LNX1: variants seen among roughly 807,000 people sequenced by gnomAD.
LNX1 encodes the protein E3 ubiquitin-protein ligase LNX.
In LNX1, 54 loss-of-function variants were observed where a neutral mutation model predicts 68.4. The observed-to-expected ratio is 0.79, with a 90% CI of 0.63 to 0.99. The LOEUF (loss-of-function observed/expected upper bound fraction) is 0.99, where lower values mean the gene tolerates loss of function less well. LNX1 is among the 50% of genes least tolerant of loss of function. The probability of loss-of-function intolerance (pLI) is 0.00; values close to 1 mark genes in which losing one functional copy is unlikely to be tolerated. For missense variants in LNX1, 906 were observed against 926.4 expected, an observed-to-expected ratio of 0.98 and a Z score of 0.29; for synonymous variants, 336 against 350.0, an observed-to-expected ratio of 0.96 and a Z score of 0.45.
intron 2 of LNX1, among the ~76,000 whole-genome samples, chr4:53,552,510 G>A (rs1322224498): frequency 1.3e-5 from 2 of 152,148 alleles, no homozygotes; most frequent in Non-Finnish European, 2.9e-5. Context: ...CAAATTCTAA[G>A]TTTTTTTCTT....
chr4:53,625,820 C>A (rs1734049170), intron 1 of LNX1, among the ~76,000 whole-genome samples: 1 of 148,580 alleles, frequency 6.7e-6, no homozygotes. Context: ...ATGTTAGTTA[C>A]CATATGACCC....
intron 2 of LNX1, among the ~76,000 whole-genome samples, chr4:53,531,696 G>A (rs917756014): frequency 5.3e-5 from 8 of 152,192 alleles, no homozygotes; most frequent in African/African-American, 1.9e-4. Context: ...TTAAACGTGA[G>A]ACTGAAATGC....
chr4:53,602,283 G>GA (rs1341710177), intron 2 of LNX1, among the ~76,000 whole-genome samples: 10 of 152,164 alleles, frequency 6.6e-5, no homozygotes, highest in African/African-American at 2.4e-4. Flanking sequence ...CTTGATTAGG[G>GA]AAAATACCTG....
intron 1 of LNX1, among the ~76,000 whole-genome samples, chr4:53,636,086 T>C (rs1359563087): frequency 6.6e-6 from 1 of 151,072 alleles, no homozygotes; most frequent in East Asian, 2.0e-4. Flanking sequence ...ACTTTATTGG[T>C]CGGCACTCCA....
intron 2 of LNX1, among the ~76,000 whole-genome samples, chr4:53,600,651 C>T (rs910310397): frequency 1.3e-5 from 2 of 152,104 alleles, no homozygotes; most frequent in African/African-American, 2.4e-5. Flanking sequence ...TCTCAAATCA[C>T]GAGCATGTGA....
chr4:53,501,347 G>A (rs1227318123), intron 4 of LNX1, among the ~76,000 whole-genome samples: 2 of 144,202 alleles, frequency 1.4e-5, no homozygotes, highest in African/African-American at 5.2e-5. Flanking sequence ...CTGGAGTATA[G>A]TGGTACAATC....
intron 2 of LNX1, among the ~76,000 whole-genome samples, chr4:53,515,531 T>A (rs1459081343): frequency 6.8e-6 from 1 of 146,894 alleles, no homozygotes. Context: ...AAAAAAAAAA[T>A]GACAAGAAGA....
chr4:53,507,863 G>T, intron 3 of LNX1, 123 bp downstream of exon 3: 1 of 1,317,484 alleles, frequency 7.6e-7, no homozygotes, highest in Non-Finnish European at 1.0e-6. Context: ...TTGGGTTCCT[G>T]CCAAAACTAC....
chr4:53,553,325 G>T (rs565999487), intron 2 of LNX1, among the ~76,000 whole-genome samples: 6 of 152,194 alleles, frequency 3.9e-5, no homozygotes, highest in African/African-American at 1.4e-4. Flanking sequence ...ATGAAAATGG[G>T]GTGGCCTCAT....
Position 53,573,926 on chromosome 4 carries a change from T to C in LNX1, c.77A>G (p.Asn26Ser). 1 of 1,613,548 alleles carries C rather than the reference T, an allele frequency of 6.2e-7. No homozygotes were observed. The highest frequency in any genetic ancestry group is 8.5e-7 in the Non-Finnish European group (1 of 1,179,782). Residue 26 changes from asparagine to serine, a missense_variant, in exon 2 of 11, where the codon AAC (asparagine) becomes AGC (serine). By Grantham distance (46) the Asn-to-Ser change is conservative (BLOSUM62 1). Transcript: ENST00000263925. The part of the protein sequence containing the change: ...VCGQAHSLEE[N>S]HFYSYPEEVD... ...TTCCTCTGGATAGCTGTAGAAGTGG[T>C]TTTCCTCCAAGGAGTGGGCTTGGCC...
At chr4:53,562,727 T>C (rs1418334552) in intron 2 of LNX1, among the ~76,000 whole-genome samples, 1 of 152,168 alleles carries the variant, frequency 6.6e-6, no homozygotes, top group Non-Finnish European at 1.5e-5. Flanking sequence ...TGATTATAGT[T>C]AATAACAATG....
At chr4:53,568,580 C>CTGGCACAAGACAGGG (rs1553939198) in intron 2 of LNX1, among the ~76,000 whole-genome samples, 1 of 147,082 alleles carries the variant, frequency 6.8e-6, no homozygotes, top group Admixed American at 6.7e-5. Context: ...CCTTTGAAAA[C>CTGGCACAAGACAGGG]GGGCACAAGA....
At position 53,599,966 on chromosome 4, in the gene LNX1, A is replaced by G. The variant is rs191979731; in HGVS notation, c.-214-8451T>C. 2.6e-5 allele frequency among the ~76,000 whole-genome samples: 4 copies of G among 152,338 alleles called. No individual in the cohort carries two copies. The East Asian group carries it at 5.8e-4, about 22-fold the overall frequency. On this transcript the variant is annotated intron_variant, in intron 2 of 3. Transcript: ENST00000504299. ...GAAAAAGATCTGTGCTCAGCAGGTG[A>G]CAGTAACATCTGTAGCTGTTTAGAT... is the stretch of plus-strand genomic sequence containing the variant.
At chr4:53,626,210 T>A (rs1182409015) in intron 1 of LNX1, among the ~76,000 whole-genome samples, 1 of 152,098 alleles carries the variant, frequency 6.6e-6, no homozygotes, top group Non-Finnish European at 1.5e-5. Flanking sequence ...ATAGAAAATA[T>A]GTTCGTTTTC....
intron 2 of LNX1, among the ~76,000 whole-genome samples, chr4:53,537,654 G>T (rs1728468238): frequency 6.6e-6 from 1 of 152,126 alleles, no homozygotes; most frequent in Non-Finnish European, 1.5e-5. Context: ...ACTCAGCACT[G>T]CCAGGAGCCC....
intron 6 of LNX1, among the ~76,000 whole-genome samples, chr4:53,483,085 T>C (rs1381320062): frequency 6.6e-6 from 1 of 152,186 alleles, no homozygotes; most frequent in African/African-American, 2.4e-5. Flanking sequence ...AATTCCCATA[T>C]GTCATCGGAG....
At chr4:53,647,292 A>C (rs1417981919) in intron 1 of LNX1, among the ~76,000 whole-genome samples, 1 of 152,252 alleles carries the variant, frequency 6.6e-6, no homozygotes, top group Admixed American at 6.5e-5. Flanking sequence ...AAACACACAC[A>C]CAATGAATAA....
intron 2 of LNX1, chr4:53,523,281 T>C (rs1160553713): frequency 6.6e-6 from 1 of 152,188 alleles, no homozygotes; most frequent in African/African-American, 2.4e-5. Flanking sequence ...ACAATTTTTT[T>C]TGTTTGTTTG....
At chr4:53,466,475 G>A (rs2150560739) in intron 9 of LNX1, among the ~76,000 whole-genome samples, 1 of 152,312 alleles carries the variant, frequency 6.6e-6, no homozygotes, top group African/African-American at 2.4e-5. Flanking sequence ...ATCTCACTAG[G>A]GAGTGCCAGA....
Sources: gnomAD v4.1 joint callset for allele counts (sites outside exome capture counted in the v4.1 genomes callset) on GRCh38, gnomAD v4.1.1 for gene constraint, MANE v1.5 for transcripts, NCBI Gene and HGNC (gene_info 2026-07-23, HGNC 2026-07-21) for gene names.